Variants in NRXN3 observed in about 807,000 individuals in gnomAD.
The protein encoded by NRXN3 is neurexin 3, also known as neurexin III.
A neutral mutation model predicts 137.6 loss-of-function variants in NRXN3; 32 were observed. The observed-to-expected ratio is 0.23, with a 90% CI of 0.18 to 0.31. The LOEUF (loss-of-function observed/expected upper bound fraction) is 0.31, where lower values mean the gene tolerates loss of function less well. Ranked by LOEUF, NRXN3 falls within the 10% of genes least tolerant of loss-of-function variation. The pLI is 1.00. For synonymous variants in NRXN3, 798 were observed against 784.5 expected, an observed-to-expected ratio of 1.02 and a Z score of -0.29; for missense variants, 1,574 against 2,062.5, an observed-to-expected ratio of 0.76 and a Z score of 4.59.
intron 4 of NRXN3, among the ~76,000 whole-genome samples, chr14:78,333,892 C>T (rs1351987852): frequency 6.6e-6 from 1 of 152,058 alleles, no homozygotes; most frequent in Non-Finnish European, 1.5e-5. Flanking sequence ...CTGCCGTAAT[C>T]CAGGTGAGAG....
intron 19 of NRXN3, among the ~76,000 whole-genome samples, chr14:79,794,443 C>A (rs1234128639): frequency 6.6e-6 from 1 of 151,980 alleles, no homozygotes; most frequent in Admixed American, 6.5e-5. Context: ...CTTTCCCTTT[C>A]ATGTCATCGT....
intron 4 of NRXN3, among the ~76,000 whole-genome samples, chr14:78,529,578 ACTT>A (rs550864674): frequency 2.3e-4 from 35 of 152,222 alleles, no homozygotes; most frequent in African/African-American, 8.2e-4. Flanking sequence ...CCTTGATTCT[ACTT>A]CTTTGTTTTG....
chr14:79,246,639 G>A (rs2075230445), intron 15 of NRXN3: 1 of 152,060 alleles, frequency 6.6e-6, no homozygotes. Context: ...GAAGTTAGAG[G>A]CCTTTAGAAA....
intron 15 of NRXN3, among the ~76,000 whole-genome samples, chr14:79,087,989 C>T (rs1356356145): frequency 1.4e-5 from 2 of 139,944 alleles, no homozygotes; most frequent in East Asian, 3.9e-4. Flanking sequence ...TGAGTTGGAG[C>T]AACGTCAGAA....
chr14:79,442,666 C>T (rs17109218), intron 15 of NRXN3, among the ~76,000 whole-genome samples: 2,777 of 152,166 alleles, frequency 0.018, 61 homozygotes, highest in East Asian at 0.093. Context: ...AAAAAGCAGG[C>T]GTCTGAAATG....
At chr14:78,256,957 A>C (rs775232787) in intron 2 of NRXN3, among the ~76,000 whole-genome samples, 2 of 152,156 alleles carry the variant, frequency 1.3e-5, no homozygotes, top group African/African-American at 2.4e-5. Context: ...GGATCAGGTG[A>C]TACCTAAGGC....
At chr14:78,772,242 T>C (rs1213941870) in intron 8 of NRXN3, among the ~76,000 whole-genome samples, 1 of 152,072 alleles carries the variant, frequency 6.6e-6, no homozygotes, top group South Asian at 2.1e-4. Flanking sequence ...TCAATGAAAA[T>C]GTATGTAAAT....
At position 79,112,979 on chromosome 14, in the gene NRXN3, A is replaced by G. The variant is rs77273145; in HGVS notation, c.3262+124838A>G. ...TTGTTACCTAAAATTCACATTGTAC[A>G]ATGGAGTGATACATGAGTTGTTCAC... is the stretch of plus-strand genomic sequence containing the variant. On this transcript the variant is annotated intron_variant, in intron 15 of 20. Transcript: ENST00000335750. Among the ~76,000 whole-genome samples the G allele has an allele frequency of 7.3e-3, 1,113 of 152,320 alleles. 10 individuals are homozygous for G. The highest frequency in any genetic ancestry group is 0.026 in the African/African-American group (1,069 of 41,570).
At chr14:78,192,103 TGTGTGAGA>T (rs1240012735) in intron 1 of NRXN3, among the ~76,000 whole-genome samples, 6 of 137,590 alleles carry the variant, frequency 4.4e-5, no homozygotes, top group African/African-American at 1.8e-4. Context: ...TGTGTGTGTG[TGTGTGAGA>T]GAGAGAGCAT....
chr14:78,348,247 G>A (rs962550524), intron 4 of NRXN3, among the ~76,000 whole-genome samples: 5 of 152,260 alleles, frequency 3.3e-5, no homozygotes, highest in Middle Eastern at 6.8e-3. Flanking sequence ...CAGAGGCTAC[G>A]GTTAACAAGA....
At chr14:78,569,422 C>T (rs370395443) in intron 4 of NRXN3, among the ~76,000 whole-genome samples, 5 of 151,810 alleles carry the variant, frequency 3.3e-5, no homozygotes, top group East Asian at 1.9e-4. Context: ...CCCACTACCA[C>T]GCCCAGCTAA....
rs937796328 is a variant in NRXN3 at position 79,479,005 on chromosome 14, G to A, written c.3444+11603G>A. 2.6e-5 allele frequency among the ~76,000 whole-genome samples: 4 copies of A among 152,116 alleles called. No individual in the cohort carries two copies. In the East Asian group the frequency reaches 7.7e-4, roughly 29 times the overall value. ...CAATTCGGATTTAAATCATACTGCA[G>A]TTTCCTAAATAGAACAAATCCCCTG... On this transcript the variant is annotated intron_variant, in intron 16 of 20. Coordinates refer to ENST00000335750, the MANE Select transcript of NRXN3 (RefSeq NM_001330195.2).
chr14:78,687,370 C>T (rs901355970), intron 6 of NRXN3, among the ~76,000 whole-genome samples: 3 of 152,070 alleles, frequency 2.0e-5, no homozygotes, highest in East Asian at 1.9e-4. Flanking sequence ...TACTGCAACC[C>T]AGGGAGGAAA....
At chr14:78,633,124 G>A (rs1453949695) in intron 4 of NRXN3, among the ~76,000 whole-genome samples, 7 of 151,152 alleles carry the variant, frequency 4.6e-5, no homozygotes, top group Non-Finnish European at 7.4e-5. Flanking sequence ...GTGTGGTGGC[G>A]GGTGCCTGTA....
At chr14:78,299,713 T>G (rs1469313747) in intron 4 of NRXN3, among the ~76,000 whole-genome samples, 2 of 152,156 alleles carry the variant, frequency 1.3e-5, no homozygotes, top group African/African-American at 4.8e-5. Context: ...AACACTGGTA[T>G]GAAAAACATT....
intron 15 of NRXN3, among the ~76,000 whole-genome samples, chr14:79,085,990 A>G (rs1348184569): frequency 6.6e-6 from 1 of 152,148 alleles, no homozygotes; most frequent in Non-Finnish European, 1.5e-5. Context: ...GCTGGAGTTG[A>G]TTGATGCATA....
At chr14:79,499,956 CGTGTGTGTGTGTGTGTGTGT>C (rs35371414) in intron 16 of NRXN3, among the ~76,000 whole-genome samples, 1 of 145,140 alleles carries the variant, frequency 6.9e-6, no homozygotes, top group African/African-American at 2.5e-5. Context: ...ATCTTAGGGT[CGTGTGTGTGTGTGTGTGTGT>C]GTGTGTGTGT....
At chr14:78,880,239 CAAAAAAAAAAAA>C (rs59348965) in intron 10 of NRXN3, among the ~76,000 whole-genome samples, 2 of 45,274 alleles carry the variant, frequency 4.4e-5, no homozygotes, top group African/African-American at 7.8e-5. Flanking sequence ...GACTCCGTCT[CAAAAAAAAAAAA>C]AAAAAAAAAA....
At chr14:78,296,791 T>A (rs1020627947) in intron 3 of NRXN3, among the ~76,000 whole-genome samples, 1 of 152,208 alleles carries the variant, frequency 6.6e-6, no homozygotes, top group Non-Finnish European at 1.5e-5. Context: ...TCTCTAGTAA[T>A]CTCTAAAAAC....
Sources: gnomAD v4.1 joint callset for allele counts (sites outside exome capture counted in the v4.1 genomes callset) on GRCh38, gnomAD v4.1.1 for gene constraint, MANE v1.5 for transcripts, NCBI Gene and HGNC (gene_info 2026-07-23, HGNC 2026-07-21) for gene names.